The following NDUFAF6 variants were observed in gnomAD, a reference collection of about 807,000 sequenced individuals.
NDUFAF6 encodes NADH dehydrogenase (ubiquinone) complex I, assembly factor 6.
NDUFAF6 carries 45 observed loss-of-function variants against 40.8 expected under a neutral mutation model. The ratio of observed to expected loss-of-function variants is 1.10; its 90% confidence interval spans 0.87 to 1.42. The LOEUF is 1.42. Among genes scored for constraint, NDUFAF6 ranks in the 40% most tolerant of loss-of-function variants. The pLI is 0.00. For synonymous variants in NDUFAF6, 185 were observed against 155.9 expected, an observed-to-expected ratio of 1.19 and a Z score of -1.39; for missense variants, 435 against 418.5, an observed-to-expected ratio of 1.04 and a Z score of -0.34.
intron 4 of NDUFAF6, among the ~76,000 whole-genome samples, 199 bp from the exon 5 acceptor site, chr8:95,045,346 T>G (rs1490842618): frequency 6.6e-6 from 1 of 152,230 alleles, no homozygotes; most frequent in Non-Finnish European, 1.5e-5. Context: ...TTATTCCTGA[T>G]GTCTTATTTT....
At chr8:95,082,047 G>C (rs1382635760) in intron 2 of NDUFAF6, among the ~76,000 whole-genome samples, 1 of 152,084 alleles carries the variant, frequency 6.6e-6, no homozygotes, top group Non-Finnish European at 1.5e-5. Flanking sequence ...CTGGGTGACA[G>C]AGTGAGACTC....
chr8:95,000,058 A>G (rs923618001), intron 2 of NDUFAF6, among the ~76,000 whole-genome samples: 53 of 147,248 alleles, frequency 3.6e-4, no homozygotes, highest in Non-Finnish European at 6.4e-4. Context: ...TTTTTTTTTT[A>G]AAGAAGCTTA....
At chr8:94,904,187 A>G (rs1818218718) in intron 1 of NDUFAF6, among the ~76,000 whole-genome samples, 1 of 151,330 alleles carries the variant, frequency 6.6e-6, no homozygotes, top group Non-Finnish European at 1.5e-5. Context: ...TTTGTCGCCC[A>G]GGCTGGAGTG....
At chr8:94,908,848 C>T (rs186011399) in intron 1 of NDUFAF6, among the ~76,000 whole-genome samples, 1 of 152,224 alleles carries the variant, frequency 6.6e-6, no homozygotes, top group East Asian at 1.9e-4. Flanking sequence ...GGAACTTGAA[C>T]CCAAGCCTTG....
intron 1 of NDUFAF6, chr8:94,941,028 C>T: frequency 1.0e-6 from 1 of 964,732 alleles, no homozygotes; most frequent in Non-Finnish European, 1.6e-6. Context: ...ATGGTACCGA[C>T]AGGAGATTAA....
At chr8:94,928,213 G>C (rs1309664096) in intron 1 of NDUFAF6, 2 of 140,952 alleles carry the variant, frequency 1.4e-5, no homozygotes, top group Non-Finnish European at 3.1e-5. Context: ...CCCCAGGTAA[G>C]GCAAACAAAA....
chr8:95,036,573 C>T, intron 3 of NDUFAF6: 1 of 1,153,784 alleles, frequency 8.7e-7, no homozygotes, highest in Non-Finnish European at 1.1e-6. Flanking sequence ...AAAAAGTTTT[C>T]CTAAAATCCA....
chr8:94,989,696 TG>T (rs1826108124), intron 2 of NDUFAF6, among the ~76,000 whole-genome samples: 1 of 152,296 alleles, frequency 6.6e-6, no homozygotes, highest in South Asian at 2.1e-4. Flanking sequence ...CTTGGACTTT[TG>T]GGGATTATAC....
At chr8:95,078,662 A>AAAAAAATATATATATATATAT (rs545018367), downstream of NDUFAF6, 16 of 121,032 alleles carry the variant, frequency 1.3e-4, no homozygotes, top group African/African-American at 4.9e-4. Flanking sequence ...AAAAAAAAAA[A>AAAAAAATATATATATATATAT]ATATATATAT....
intron 1 of NDUFAF6, chr8:94,939,716 C>A: frequency 8.4e-7 from 1 of 1,193,386 alleles, no homozygotes; most frequent in East Asian, 2.4e-5. Context: ...ATCTTACGGA[C>A]CATCTTGTGT....
At chr8:94,917,110 C>CAAAA (rs35834003) in intron 1 of NDUFAF6, among the ~76,000 whole-genome samples, 11 of 89,528 alleles carry the variant, frequency 1.2e-4, no homozygotes, top group Non-Finnish European at 1.8e-4. Flanking sequence ...GACTCCATCT[C>CAAAA]AAAAAAAAAA....
At chr8:95,041,654 T>C in intron 4 of NDUFAF6, 28 bp downstream of exon 4, 1 of 1,567,628 alleles carries the variant, frequency 6.4e-7, no homozygotes, top group Non-Finnish European at 8.8e-7. Context: ...AAGTCTTAAG[T>C]TTTTTCTTCC....
intron 1 of NDUFAF6, among the ~76,000 whole-genome samples, chr8:94,931,711 G>A (rs1053986869): frequency 6.6e-5 from 10 of 152,024 alleles, no homozygotes; most frequent in African/African-American, 2.2e-4. Context: ...GCTGTGGCTC[G>A]CTCTTGTAAT....
chr8:94,970,270 AAAAGAAGAAGG>A (rs1824359018), intron 1 of NDUFAF6, among the ~76,000 whole-genome samples: 1 of 150,362 alleles, frequency 6.7e-6, no homozygotes. Context: ...AAAAAAAAAA[AAAAGAAGAAGG>A]AAAAAAACAT....
chr8:95,027,207 T>C (rs997398127), intron 1 of NDUFAF6, among the ~76,000 whole-genome samples: 2 of 152,214 alleles, frequency 1.3e-5, no homozygotes, highest in African/African-American at 4.8e-5. Context: ...TAGTGACTTA[T>C]TTCAAATGCT....
downstream of NDUFAF6, among the ~76,000 whole-genome samples, chr8:95,060,669 G>T (rs1832550312): frequency 6.6e-6 from 1 of 152,118 alleles, no homozygotes; most frequent in South Asian, 2.1e-4. Flanking sequence ...GGTCATGGAG[G>T]CATTAGTACT....
intron 8 of NDUFAF6, among the ~76,000 whole-genome samples, chr8:95,054,739 C>G (rs1563838975): frequency 6.6e-6 from 1 of 152,142 alleles, no homozygotes; most frequent in Non-Finnish European, 1.5e-5. Flanking sequence ...CCAGCCCCAG[C>G]TCTCAGTTTC....
upstream of NDUFAF6, among the ~76,000 whole-genome samples, chr8:95,095,931 C>T (rs544289042): frequency 1.3e-5 from 2 of 152,164 alleles, no homozygotes; most frequent in Non-Finnish European, 2.9e-5. Flanking sequence ...TCCTAAAGTA[C>T]TGAGATTACA....
At chr8:94,914,194 G>A (rs1163554603) in intron 1 of NDUFAF6, among the ~76,000 whole-genome samples, 3 of 133,550 alleles carry the variant, frequency 2.2e-5, no homozygotes, top group African/African-American at 8.3e-5. Flanking sequence ...TTTATTTGAT[G>A]TCGGTTTTAT....
Sources: allele counts gnomAD v4.1 joint callset (sites outside exome capture counted in the v4.1 genomes callset), GRCh38; gene constraint gnomAD v4.1.1; transcripts MANE v1.5; gene names NCBI Gene and HGNC (gene_info 2026-07-23, HGNC 2026-07-21).